The following CLN3 variants were observed in gnomAD, a reference collection of about 807,000 sequenced individuals.
CLN3 encodes battenin.
A neutral mutation model predicts 60.7 loss-of-function variants in CLN3; 49 were observed. The ratio of observed to expected loss-of-function variants is 0.81; its 90% CI spans 0.64 to 1.02. The LOEUF (loss-of-function observed/expected upper bound fraction) is 1.02, where lower values mean the gene tolerates loss of function less well. CLN3 is among the 50% of genes least tolerant of loss of function. The pLI, the probability that CLN3 is intolerant of heterozygous loss-of-function variation, is 0.00. For synonymous variants in CLN3, 256 were observed against 245.8 expected (o/e 1.04, Z -0.39); for missense variants, 516 against 557.4 (o/e 0.93, Z 0.75).
At chr16:28,487,392 T>C (rs2046237085) in intron 7 of CLN3, 64 bp downstream of exon 7, 14 of 1,335,186 alleles carry the variant, frequency 1.0e-5, no homozygotes, top group African/African-American at 1.4e-5. Flanking sequence ...GGGGAGACTC[T>C]TCCCACAAAT....
intron 10 of CLN3, among the ~76,000 whole-genome samples, chr16:28,483,111 A>C (rs1032576977): frequency 6.6e-6 from 1 of 152,182 alleles, no homozygotes; most frequent in South Asian, 2.1e-4. Context: ...CCTCAAAAAA[A>C]TAAAGTAAGA....
intron 7 of CLN3, 105 bp downstream of exon 7, chr16:28,487,351 G>A (rs950632957): frequency 5.3e-6 from 5 of 945,012 alleles, no homozygotes; most frequent in African/African-American, 1.6e-5. Context: ...TTCTAAGGGT[G>A]ACAGAATGAA....
chr16:28,488,586 C>A lies in CLN3; in HGVS notation c.294+5G>T, dbSNP rs780921389. ...AGGCAAGGACCAGGTGAGATGAGTA[C>A]GCACAGCCGTAGAGACAGAGTTGCA... On this transcript the variant is annotated splice_donor_5th_base_variant and intron_variant, in intron 5 of 15. Transcript: ENST00000636147. 7 of 1,613,720 alleles carry A rather than the reference C, an allele frequency of 4.3e-6. No homozygotes were observed. The highest frequency in any genetic ancestry group is 5.9e-6 in the Non-Finnish European group (7 of 1,179,810).
rs780921389 is a variant in CLN3, at chr16:28,488,586, C to T, written c.294+5G>A. On this transcript the variant is annotated splice_donor_5th_base_variant and intron_variant, in intron 5 of 15. Transcript: ENST00000636147. ...AGGCAAGGACCAGGTGAGATGAGTA[C>T]GCACAGCCGTAGAGACAGAGTTGCA... is the stretch of plus-strand genomic sequence containing the variant. 9.3e-6 allele frequency: 15 copies of T among 1,613,718 alleles called. No homozygotes were observed. Among genetic ancestry groups the T allele is most frequent in the South Asian group, 4.4e-5 (4 of 91,080 alleles).
chr16:28,484,806 T>C (rs1276466427), intron 9 of CLN3: 1 of 152,284 alleles, frequency 6.6e-6, no homozygotes, highest in Non-Finnish European at 1.5e-5. Context: ...TGGCTTCATG[T>C]TATTTGCCAT....
chr16:28,491,626 C>T (rs2046316824), intron 2 of CLN3, 66 bp from the exon 3 acceptor site: 1 of 1,613,450 alleles, frequency 6.2e-7, no homozygotes, highest in Non-Finnish European at 8.5e-7. Context: ...CCTTGCGTGT[C>T]CTCCCGGGGC....
In CLN3 at chr16:28,486,486, C is replaced by T. The variant is rs202215629; in HGVS notation, c.538G>A (p.Val180Met). ...LSLTAFYPRA[V>M]ISWWSSGTGG... ...GTCCCTGAGGACCACCAGGAGATCA[C>T]GGCCCTGGGAAGGAGAACACAGGAA... Residue 180 changes from valine (V) to methionine (M), a missense_variant, in exon 9 of 16, where the codon GTG becomes ATG. By Grantham distance (21) the Val-to-Met change is conservative. Transcript: ENST00000636147. 81 of 1,612,412 alleles carry T rather than the reference C, an allele frequency of 5.0e-5. No homozygotes were observed. Among genetic ancestry groups the T allele is most frequent in the Non-Finnish European group, 6.2e-5 (73 of 1,179,358 alleles).
Position 28,491,463 on chromosome 16 carries a change from GA to G in CLN3, c.125+18del. The G allele has an allele frequency of 6.2e-7, 1 of 1,612,336 alleles. No individual in the cohort carries two copies. Among genetic ancestry groups the G allele is most frequent in the Middle Eastern group, 2.0e-4 (1 of 5,124 alleles). ...TCTTCTCATGCCATTGTCACTCGCT[GA>G]AGTCTCAGGCCACTCACCAGAAGCC... On this transcript the variant is annotated intron_variant, in intron 3 of 15. Coordinates refer to ENST00000636147, the MANE Select transcript of CLN3 (RefSeq NM_001042432.2).
At chr16:28,481,417 A>AACAC (rs767753225) in intron 14 of CLN3, among the ~76,000 whole-genome samples, 2,217 of 129,560 alleles carry the variant, frequency 0.017, 26 homozygotes, top group East Asian at 0.075. Flanking sequence ...CAATGCTTAA[A>AACAC]ACACACACAC....
Position 28,487,651 on chromosome 16 carries a change from C to T in CLN3, c.374+11G>A. Reference sequence around the variant, plus strand: ...CCTGCCCACCCTGCCTCCCACTACCCTCACCCAGACCTGTAGGGCAGCAGG... The same window carrying T: ...CCTGCCCACCCTGCCTCCCACTACCTTCACCCAGACCTGTAGGGCAGCAGG... On this transcript the variant is annotated intron_variant, in intron 6 of 15. Transcript: ENST00000636147. 1 of 1,612,392 alleles carries T rather than the reference C, an allele frequency of 6.2e-7. No individual in the cohort carries two copies. The highest frequency in any genetic ancestry group is 8.5e-7 in the Non-Finnish European group (1 of 1,178,730).
At position 28,488,871 on chromosome 16, in the gene CLN3, T is replaced by G. The variant is rs138792949; in HGVS notation, c.223-209A>C. 1.4e-3 allele frequency among the ~76,000 whole-genome samples: 209 copies of G among 152,258 alleles called. 3 individuals carry two copies. Among genetic ancestry groups the G allele is most frequent in the South Asian group, 7.3e-3 (35 of 4,820 alleles). On this transcript the variant is annotated intron_variant, in intron 4 of 15. Coordinates refer to ENST00000636147, the MANE Select transcript of CLN3 (RefSeq NM_001042432.2). ...CTAGACCACAGGCCACAGATGGCCCTGTAAATGGACTTTGTTTAGATAACA... is the reference window on the plus strand; with the variant it reads ...CTAGACCACAGGCCACAGATGGCCCGGTAAATGGACTTTGTTTAGATAACA...
rs553509467 is a variant in CLN3, at chr16:28,488,729, G to A, written c.223-67C>T. ...GATAGACACACAGAGCCTGGCTCCCGTCCCAGCTCTGCCTTCACTTGAAGG... is the reference window on the plus strand; with the variant it reads ...GATAGACACACAGAGCCTGGCTCCCATCCCAGCTCTGCCTTCACTTGAAGG... On this transcript the variant is annotated intron_variant, in intron 4 of 15. Coordinates refer to ENST00000636147, the MANE Select transcript of CLN3 (RefSeq NM_001042432.2). 6.2e-5 allele frequency: 92 copies of A among 1,483,654 alleles called. 1 individual carries two copies. Among genetic ancestry groups the A allele is most frequent in the South Asian group, 2.1e-4 (19 of 88,456 alleles). The allele number at this position is 1,483,654 out of a possible 1,614,324, so 91.9% of individuals were successfully genotyped here.
chr16:28,491,709 C>T lies in CLN3; in HGVS notation c.46+5G>A, dbSNP rs763342226. 6.2e-7 allele frequency: 1 copy of T among 1,614,130 alleles called. No individual in the cohort carries two copies. The highest frequency in any genetic ancestry group is 1.3e-5 in the African/African-American group (1 of 75,062). ...CGTTCCATGAGGGTGGGCGGGAATA[C>T]TCACCCTCGGAATCCGAAAAGCGCC... On this transcript the variant is annotated splice_donor_5th_base_variant and intron_variant, in intron 2 of 15. Transcript: ENST00000636147.
chr16:28,468,806 CAAAAAA>C, the CLN3 span, among the ~76,000 whole-genome samples: 1 of 24,408 alleles, frequency 4.1e-5, no homozygotes, highest in African/African-American at 1.3e-4. Context: ...GACTCTGTCT[CAAAAAA>C]AAAAAAAAAA....
At chr16:28,472,097 A>T (rs1372739236), downstream of CLN3, among the ~76,000 whole-genome samples, 1 of 152,230 alleles carries the variant, frequency 6.6e-6, no homozygotes, top group Non-Finnish European at 1.5e-5. Flanking sequence ...TATAGTAATT[A>T]AGACAGTGTT....
downstream of CLN3, among the ~76,000 whole-genome samples, chr16:28,475,112 T>G (rs2045980592): frequency 6.6e-6 from 1 of 151,976 alleles, no homozygotes; most frequent in South Asian, 2.1e-4. Context: ...TAGCCAGGTA[T>G]GGTGGTGCGT....
intron 3 of CLN3, among the ~76,000 whole-genome samples, chr16:28,489,817 G>A (rs2046282347): frequency 6.6e-6 from 1 of 152,114 alleles, no homozygotes; most frequent in African/African-American, 2.4e-5. Flanking sequence ...AGCACTTTGA[G>A]GGGCCGAGGC....
intron 4 of CLN3, among the ~76,000 whole-genome samples, chr16:28,488,943 C>T (rs1451935565): frequency 3.3e-5 from 5 of 152,146 alleles, no homozygotes; most frequent in Non-Finnish European, 7.3e-5. Context: ...ACTCTGTTGC[C>T]CAAGCTAGAG....
At chr16:28,484,647 G>C (rs576680812) in intron 9 of CLN3, 27 of 179,436 alleles carry the variant, frequency 1.5e-4, no homozygotes, top group African/African-American at 6.4e-4. Flanking sequence ...ACTGTGCTCA[G>C]CAGGCCCTTG....
Sources: gnomAD v4.1 joint callset for allele counts (sites outside exome capture counted in the v4.1 genomes callset) on GRCh38, gnomAD v4.1.1 for gene constraint, MANE v1.5 for transcripts, NCBI Gene and HGNC (gene_info 2026-07-23, HGNC 2026-07-21) for gene names.